NXN: variants seen among roughly 807,000 people sequenced by gnomAD.
NXN encodes nucleoredoxin.
NXN carries 16 observed loss-of-function variants against 48.6 expected under a neutral mutation model. That is an observed-to-expected ratio of 0.33 (90% CI 0.22 to 0.50). The LOEUF (loss-of-function observed/expected upper bound fraction) is 0.50. NXN is among the 20% of genes least tolerant of loss of function. The pLI is 0.98. For synonymous variants in NXN, 281 were observed against 269.6 expected, an observed-to-expected ratio of 1.04 and a Z score of -0.41; for missense variants, 492 against 605.5, an observed-to-expected ratio of 0.81 and a Z score of 1.97.
At chr17:817,258 T>C (rs1360660373) in intron 5 of NXN, among the ~76,000 whole-genome samples, 1 of 152,202 alleles carries the variant, frequency 6.6e-6, no homozygotes, top group East Asian at 1.9e-4. Flanking sequence ...CTCCAGGTGA[T>C]TCTCATATGT....
At chr17:805,366 G>C (rs1004028235) in intron 5 of NXN, 119 bp from the exon 6 acceptor site, 1 of 1,077,740 alleles carries the variant, frequency 9.3e-7, no homozygotes, top group Non-Finnish European at 1.3e-6. Context: ...CCGAGGACCT[G>C]GTACAGGCTC....
intron 1 of NXN, among the ~76,000 whole-genome samples, chr17:963,139 G>A (rs566936536): frequency 9.1e-4 from 136 of 150,176 alleles, no homozygotes; most frequent in African/African-American, 3.2e-3. Context: ...CACCTGTCAG[G>A]TTAGCCGAGG....
intron 1 of NXN, among the ~76,000 whole-genome samples, chr17:972,692 G>A (rs1567527437): frequency 6.6e-6 from 1 of 152,086 alleles, no homozygotes; most frequent in South Asian, 2.1e-4. Flanking sequence ...TCAAATGTGT[G>A]TGCACATTAC....
chr17:825,565 C>T lies in NXN; in HGVS notation c.478+396G>A, dbSNP rs1913056470. On this transcript the variant is annotated intron_variant, in intron 2 of 7. Transcript: ENST00000336868. The surrounding 1 kb of genome is among the most constrained non-coding windows in gnomAD (Gnocchi z 4.1). Reference sequence around the variant, plus strand: ...GAGTGACACGGGGGCTGGGACTTCGCTATGTAATGTTTTAAAGAGGAAAAA... The same window carrying T: ...GAGTGACACGGGGGCTGGGACTTCGTTATGTAATGTTTTAAAGAGGAAAAA... The T allele has an allele frequency of 5.8e-6, 1 of 173,658 alleles. No individual in the cohort carries two copies. The highest frequency in any genetic ancestry group is 1.2e-5 in the Non-Finnish European group (1 of 80,590). 10.8% of individuals were successfully genotyped at this position (173,658 alleles called of 1,614,324 possible). A position where few individuals can be genotyped will look rare whatever the true frequency, so the allele number is the denominator to read the frequency against.
At chr17:903,428 C>T (rs1407022337) in intron 1 of NXN, among the ~76,000 whole-genome samples, 1 of 151,984 alleles carries the variant, frequency 6.6e-6, no homozygotes, top group African/African-American at 2.4e-5. Context: ...GTCACCCAGG[C>T]TGGAGTGCAG....
chr17:912,723 C>T (rs549686668), intron 1 of NXN, among the ~76,000 whole-genome samples: 6 of 152,150 alleles, frequency 3.9e-5, no homozygotes, highest in South Asian at 2.1e-4. Flanking sequence ...GAGGCCGATG[C>T]GGGCGGATCA....
At chr17:923,873 G>A (rs1409124904) in intron 1 of NXN, among the ~76,000 whole-genome samples, 2 of 152,176 alleles carry the variant, frequency 1.3e-5, no homozygotes, top group African/African-American at 2.4e-5. Flanking sequence ...TTTGATGAGC[G>A]AGGAGAATAT....
intron 1 of NXN, among the ~76,000 whole-genome samples, chr17:850,165 G>GA (rs1941168520): frequency 6.6e-6 from 1 of 152,168 alleles, no homozygotes; most frequent in African/African-American, 2.4e-5. Context: ...TAGAACGCCA[G>GA]AAAAAGAAAA....
intron 5 of NXN, among the ~76,000 whole-genome samples, chr17:816,292 T>C (rs1034291237): frequency 2.2e-4 from 34 of 152,194 alleles, no homozygotes; most frequent in African/African-American, 7.0e-4. Context: ...ACAACCCATG[T>C]ATTTTTTTAA....
chr17:843,916 C>CAAGGAAGAAAGGACAAGGAAGAAAAAG (rs2067829375), intron 1 of NXN, among the ~76,000 whole-genome samples: 1 of 152,154 alleles, frequency 6.6e-6, no homozygotes, highest in Non-Finnish European at 1.5e-5. Context: ...ACCCGTGAGA[C>CAAGGAAGAAAGGACAAGGAAGAAAAAG]TAAGAAAAAA....
chr17:936,420 C>A lies in NXN; in HGVS notation c.360+42899G>T, dbSNP rs576169294. Among the ~76,000 whole-genome samples, 49 of 152,078 alleles carry A rather than the reference C, an allele frequency of 3.2e-4. No homozygotes were observed. The East Asian group carries it at 9.3e-3, about 29-fold the overall frequency. ...TGGTGAGTGTGCACCACACACAACCCGGCCAGCATCTGCCCAGGTCAAGCC... is the reference window on the plus strand; with the variant it reads ...TGGTGAGTGTGCACCACACACAACCAGGCCAGCATCTGCCCAGGTCAAGCC... On this transcript the variant is annotated intron_variant, in intron 1 of 7. Transcript: ENST00000336868.
At chr17:874,989 T>A (rs1597684109) in intron 1 of NXN, among the ~76,000 whole-genome samples, 1 of 152,110 alleles carries the variant, frequency 6.6e-6, no homozygotes, top group East Asian at 1.9e-4. Context: ...TGAAGCACTT[T>A]GTGTCAAGCA....
intron 7 of NXN, among the ~76,000 whole-genome samples, chr17:802,759 C>T (rs998277906): frequency 1.1e-4 from 17 of 152,184 alleles, no homozygotes; most frequent in South Asian, 2.1e-4. Flanking sequence ...CTGGGCTGGG[C>T]AGGGCCGGGG....
At chr17:808,132 G>A (rs375702748) in intron 5 of NXN, among the ~76,000 whole-genome samples, 16 of 152,120 alleles carry the variant, frequency 1.1e-4, no homozygotes, top group East Asian at 1.9e-4. Flanking sequence ...CAGCACCTGC[G>A]ATGGGGACTG....
chr17:943,507 T>A (rs1166533521), intron 1 of NXN, among the ~76,000 whole-genome samples: 1 of 152,202 alleles, frequency 6.6e-6, no homozygotes, highest in African/African-American at 2.4e-5. Flanking sequence ...ATCTGGTCAT[T>A]AAATCATATC....
intron 1 of NXN, among the ~76,000 whole-genome samples, chr17:945,217 G>A (rs1436446246): frequency 1.3e-5 from 2 of 151,816 alleles, no homozygotes; most frequent in Non-Finnish European, 2.9e-5. Context: ...GAGTAGCTGG[G>A]ACTACAGGCG....
chr17:867,689 G>A (rs1032321207), intron 1 of NXN, among the ~76,000 whole-genome samples: 2 of 152,146 alleles, frequency 1.3e-5, no homozygotes, highest in Non-Finnish European at 2.9e-5. Context: ...ACTTTGGGAG[G>A]CCAAGGCAGG....
chr17:902,387 A>G (rs1597227311), intron 1 of NXN, among the ~76,000 whole-genome samples: 1 of 152,190 alleles, frequency 6.6e-6, no homozygotes, highest in East Asian at 1.9e-4. Context: ...TCTGAACCTG[A>G]AAATCACGGT....
chr17:838,422 G>A (rs868819754), intron 1 of NXN, among the ~76,000 whole-genome samples: 2 of 152,070 alleles, frequency 1.3e-5, no homozygotes, highest in East Asian at 1.9e-4. Context: ...GTGAGCCACC[G>A]CGCCCGGCCA....
Sources: gnomAD v4.1 joint callset for allele counts (sites outside exome capture counted in the v4.1 genomes callset) on GRCh38, gnomAD v4.1.1 for gene constraint, Gnocchi (gnomAD v3.1) non-coding constraint, MANE v1.5 for transcripts, NCBI Gene and HGNC (gene_info 2026-07-23, HGNC 2026-07-21) for gene names.